TPPP: variants seen among roughly 807,000 people sequenced by gnomAD.
The protein encoded by TPPP is tubulin polymerization-promoting protein.
In TPPP, 6 loss-of-function variants were observed where a neutral mutation model predicts 15.5. The observed-to-expected ratio is 0.39, with a 90% CI of 0.21 to 0.77. The LOEUF (loss-of-function observed/expected upper bound fraction) is 0.77. Among genes scored for constraint, TPPP ranks in the 30% least tolerant of loss-of-function variants. TPPP has a pLI of 0.42. For synonymous variants in TPPP, 146 were observed against 133.9 expected (o/e 1.09, Z -0.63); for missense variants, 269 against 307.2 (o/e 0.88, Z 0.93).
upstream of TPPP, among the ~76,000 whole-genome samples, chr5:694,136 G>A (rs1357799897): frequency 2.4e-4 from 36 of 148,318 alleles, no homozygotes; most frequent in East Asian, 6.7e-3. Flanking sequence ...GCCTTTCTCC[G>A]GGCACCTGCC....
intron 2 of TPPP, among the ~76,000 whole-genome samples, chr5:675,204 C>T: frequency 1.9e-5 from 1 of 52,136 alleles, no homozygotes; most frequent in African/African-American, 8.9e-5. Context: ...GCCAGGGGTT[C>T]AGTGTAGCCG....
chr5:700,400 G>C, the TPPP span, among the ~76,000 whole-genome samples: 87 of 152,088 alleles, frequency 5.7e-4, 2 homozygotes, highest in Middle Eastern at 6.8e-3. Context: ...ACACATGGAC[G>C]TATGGAGTGG....
rs1490242326 is a variant in TPPP at position 665,173 on chromosome 5, C to G, written c.589G>C (p.Asp197His). ...TAGCCGGACACATAGCCTGACTCGT[C>G]CACCAGATCCACGCGGCCAGCCTTG... Reference protein sequence around the residue: ...KGKAGRVDLVDESGYVSGYKH... With the variant: ...KGKAGRVDLVHESGYVSGYKH... Residue 197 changes from aspartate to histidine, a missense_variant, in exon 4 of 4, where the codon GAC (aspartate) becomes CAC (histidine). Asp to His is a moderately conservative substitution (Grantham distance 81). Coordinates refer to ENST00000360578, the MANE Select transcript of TPPP (RefSeq NM_007030.3). 6.2e-7 allele frequency: 1 copy of G among 1,613,702 alleles called. No homozygotes were observed. The highest frequency in any genetic ancestry group is 1.3e-5 in the African/African-American group (1 of 75,056).
At chr5:676,088 C>T (rs1306671141) in intron 2 of TPPP, 1 of 152,222 alleles carries the variant, frequency 6.6e-6, no homozygotes, top group Non-Finnish European at 1.5e-5. Flanking sequence ...CTGCCGTCCC[C>T]TAGAGCTGGG....
At chr5:697,117 T>C (rs1173084908), upstream of TPPP, among the ~76,000 whole-genome samples, 3 of 151,246 alleles carry the variant, frequency 2.0e-5, no homozygotes, top group African/African-American at 7.3e-5. Flanking sequence ...ATCTGGTTAT[T>C]CTGGGGGTGG....
intron 1 of TPPP, among the ~76,000 whole-genome samples, chr5:686,917 CT>C (rs1321668942): frequency 1.4e-5 from 2 of 143,208 alleles, no homozygotes. Context: ...CAACCAGGCC[CT>C]GTCTTGGAAG....
chr5:686,345 A>T (rs2259247), intron 1 of TPPP, among the ~76,000 whole-genome samples: 159 of 144,238 alleles, frequency 1.1e-3, no homozygotes, highest in Non-Finnish European at 1.4e-3. Flanking sequence ...GGGGCTCTCA[A>T]GGGAGGCACA....
At chr5:681,962 G>A (rs535511394) in intron 1 of TPPP, among the ~76,000 whole-genome samples, 1 of 152,006 alleles carries the variant, frequency 6.6e-6, no homozygotes. Context: ...CTTCGTCCCA[G>A]ACACCGCAGG....
rs1469626027 is a variant in TPPP at position 661,119 on chromosome 5, C to G, written c.*3983G>C. The G allele has an allele frequency of 6.6e-6, 1 of 152,364 alleles. No individual in the cohort carries two copies. The highest frequency in any genetic ancestry group is 2.4e-5 in the African/African-American group (1 of 41,418). 9.4% of individuals were successfully genotyped at this position (152,364 alleles called of 1,614,324 possible). On this transcript the variant is annotated 3_prime_UTR_variant, in exon 4 of 4. Transcript: ENST00000360578. The stretch of plus-strand genomic sequence containing the variant: ...TAAGCACTCTGGCGTGAACAGTCTT[C>G]TCAGCGCTCTCCCTCTGCCTTTCTC...
chr5:694,198 G>C (rs1469452219), upstream of TPPP, among the ~76,000 whole-genome samples: 2 of 151,630 alleles, frequency 1.3e-5, no homozygotes, highest in East Asian at 1.9e-4. Context: ...CATTCCGCCC[G>C]GGGCTGCCCG....
Position 666,043 on chromosome 5 carries a change from T to C in TPPP, c.392A>G (p.Lys131Arg). The change falls in exon 3 of 4, where the codon AAG (lysine) becomes AGG (arginine). Residue 131 changes from lysine (K) to arginine (R), a missense_variant. Lys to Arg is a conservative substitution (Grantham distance 26, BLOSUM62 2). Transcript: ENST00000360578. ...CTCGCGAACGGCCTCCTCGCTGCTC[T>C]TGTCTTTGAATCGCTTCTTGGCGAG... ...EELAKKRFKD[K>R]SSEEAVREVH... 6.2e-7 allele frequency: 1 copy of C among 1,611,388 alleles called. No individual in the cohort carries two copies. Among genetic ancestry groups the C allele is most frequent in the Non-Finnish European group, 8.5e-7 (1 of 1,179,370 alleles).
At chr5:683,629 G>A (rs1446318954) in intron 1 of TPPP, among the ~76,000 whole-genome samples, 2 of 152,228 alleles carry the variant, frequency 1.3e-5, no homozygotes, top group Non-Finnish European at 1.5e-5. Context: ...TGGCTCAGAC[G>A]CCTCTCACCA....
In TPPP at chr5:664,802, C is replaced by T. The variant is rs1282453739; in HGVS notation, c.*300G>A. On this transcript the variant is annotated 3_prime_UTR_variant, in exon 4 of 4. Coordinates refer to ENST00000360578, the MANE Select transcript of TPPP (RefSeq NM_007030.3). ...CAGCTGCTTTAAAACGCCCCTTTGA[C>T]CTGCAAACCACGTGCCCAGTGTGGT... 2 of 354,098 alleles carry T rather than the reference C, an allele frequency of 5.6e-6. No homozygotes were observed. Among genetic ancestry groups the T allele is most frequent in the South Asian group, 4.5e-5 (1 of 22,174 alleles). The allele number at this position is 354,098 out of a possible 1,614,324, so 21.9% of individuals were successfully genotyped here. A position where few individuals can be genotyped will look rare whatever the true frequency, so the allele number is the denominator to read the frequency against.
intron 1 of TPPP, among the ~76,000 whole-genome samples, chr5:688,086 C>T (rs1205577932): frequency 9.1e-6 from 1 of 109,934 alleles, no homozygotes; most frequent in East Asian, 2.2e-4. Context: ...ACTGTGGGGG[C>T]GAATGGCTTT....
intron 2 of TPPP, among the ~76,000 whole-genome samples, chr5:673,098 G>T (rs777248865): frequency 1.8e-4 from 28 of 152,318 alleles, no homozygotes; most frequent in Non-Finnish European, 3.4e-4. Context: ...AAGCTCCTGA[G>T]GGAGGCAGAG....
chr5:668,954 C>A (rs770677678), intron 2 of TPPP, among the ~76,000 whole-genome samples: 1 of 152,208 alleles, frequency 6.6e-6, no homozygotes, highest in Non-Finnish European at 1.5e-5. Flanking sequence ...AAGGCGGATG[C>A]TGTGTTTAAA....
At position 661,903 on chromosome 5, in the gene TPPP, C is replaced by G. The variant is rs527845420; in HGVS notation, c.*3199G>C. 2.0e-5 allele frequency: 3 copies of G among 152,454 alleles called. No homozygotes were observed. Among genetic ancestry groups the G allele is most frequent in the East Asian group, 3.8e-4 (2 of 5,284 alleles). The allele number at this position is 152,454 out of a possible 1,614,324, so 9.4% of individuals were successfully genotyped here. On this transcript the variant is annotated 3_prime_UTR_variant, in exon 4 of 4. Transcript: ENST00000360578. Reference sequence around the variant, plus strand: ...GCATGTCTGAGAAAAGCCTGAGGGCCGCTGGGGGAGGGCGTGCCTCTAACT... The same window carrying G: ...GCATGTCTGAGAAAAGCCTGAGGGCGGCTGGGGGAGGGCGTGCCTCTAACT...
At chr5:669,572 G>A (rs1253049718) in intron 2 of TPPP, among the ~76,000 whole-genome samples, 2 of 152,132 alleles carry the variant, frequency 1.3e-5, no homozygotes, top group Non-Finnish European at 1.5e-5. Flanking sequence ...CGCCAGGCCT[G>A]ACTGCCAGCC....
rs1373097739 is a variant in TPPP, at chr5:664,974, G to GC, written c.*127dup. 4 of 1,144,276 alleles carry GC rather than the reference G, an allele frequency of 3.5e-6. No homozygotes were observed. Among genetic ancestry groups the GC allele is most frequent in the Non-Finnish European group, 4.9e-6 (4 of 816,786 alleles). 70.9% of individuals were successfully genotyped at this position (1,144,276 alleles called of 1,614,324 possible). A position where few individuals can be genotyped will look rare whatever the true frequency, so the allele number is the denominator to read the frequency against. ...GCAGGAGGGAGGCCTGGGCCTGGCC[G>GC]CCCCCCAGCCCCCTCTGGGGCACCC... On this transcript the variant is annotated 3_prime_UTR_variant, in exon 4 of 4. Transcript: ENST00000360578.
Sources: gnomAD v4.1 joint callset for allele counts (sites outside exome capture counted in the v4.1 genomes callset) on GRCh38, gnomAD v4.1.1 for gene constraint, MANE v1.5 for transcripts, NCBI Gene and HGNC (gene_info 2026-07-23, HGNC 2026-07-21) for gene names.